The following DPY19L3 variants were observed in gnomAD, a reference collection of about 807,000 sequenced individuals.
The protein encoded by DPY19L3 is dpy-19 like C-mannosyltransferase 3, also known as protein C-mannosyl-transferase DPY19L3.
DPY19L3 carries 51 observed loss-of-function variants against 92.3 expected under a neutral mutation model. That is an observed-to-expected ratio of 0.55 (90% CI 0.44 to 0.70). The LOEUF (loss-of-function observed/expected upper bound fraction) is 0.70. DPY19L3 is among the 30% of genes least tolerant of loss of function. The pLI, the probability that DPY19L3 is intolerant of heterozygous loss-of-function variation, is 0.00. For synonymous variants in DPY19L3, 309 were observed against 315.2 expected (o/e 0.98, Z 0.21); for missense variants, 706 against 855.9 (o/e 0.82, Z 2.18).
intron 8 of DPY19L3, among the ~76,000 whole-genome samples, chr19:32,447,816 T>TAGAG (rs1555721982): frequency 1.1e-5 from 1 of 89,832 alleles, no homozygotes. Flanking sequence ...GATAGATAGA[T>TAGAG]TAGATAGATA....
intron 8 of DPY19L3, among the ~76,000 whole-genome samples, chr19:32,446,635 A>G (rs1207508692): frequency 3.3e-5 from 5 of 152,234 alleles, no homozygotes; most frequent in African/African-American, 1.2e-4. Context: ...ACATTATATA[A>G]TGATAAAACG....
chr19:32,450,743 G>A (rs546528531), intron 8 of DPY19L3, among the ~76,000 whole-genome samples: 2 of 152,260 alleles, frequency 1.3e-5, no homozygotes, highest in South Asian at 4.1e-4. Context: ...AGTGGATATG[G>A]GTTTCTTTCG....
rs61070378 is a variant in DPY19L3, at chr19:32,438,943, GGATGATGATGAT to G, written c.597-150_597-139del. 23 of 687,404 alleles carry G rather than the reference GGATGATGATGAT, an allele frequency of 3.3e-5. No homozygotes were observed. The African/African-American group carries it at 3.7e-4, about 11-fold the overall frequency. 42.6% of individuals were successfully genotyped at this position (687,404 alleles called of 1,614,324 possible). A position where few individuals can be genotyped will look rare whatever the true frequency, so the allele number is the denominator to read the frequency against. On this transcript the variant is annotated intron_variant, in intron 6 of 18. Transcript: ENST00000392250. The stretch of plus-strand genomic sequence containing the variant: ...TCTCTATGCCAATTTTATGTTACAG[GGATGATGATGAT>G]GATGATGATGATGATGATAAGGACA...
intron 12 of DPY19L3, among the ~76,000 whole-genome samples, chr19:32,459,215 T>C (rs913754472): frequency 7.9e-5 from 12 of 152,300 alleles, no homozygotes; most frequent in African/African-American, 2.6e-4. Context: ...TTTTAAAAAC[T>C]TGTAAGAATA....
intron 3 of DPY19L3, among the ~76,000 whole-genome samples, chr19:32,422,930 C>T (rs1968623676): frequency 6.6e-6 from 1 of 152,128 alleles, no homozygotes; most frequent in Non-Finnish European, 1.5e-5. Context: ...ATGAATGATG[C>T]CTAGAAAATG....
intron 4 of DPY19L3, among the ~76,000 whole-genome samples, chr19:32,434,261 ACT>A (rs1180275603): frequency 1.3e-5 from 2 of 152,024 alleles, no homozygotes; most frequent in African/African-American, 2.4e-5. Context: ...ATGAGGCGAC[ACT>A]CTGCCTCCTT....
At chr19:32,481,807 TC>T in intron 18 of DPY19L3, 1 of 389,970 alleles carries the variant, frequency 2.6e-6, no homozygotes, top group Non-Finnish European at 4.6e-6. Flanking sequence ...TATAGTATGT[TC>T]CTGAGAGCAA....
chr19:32,447,766 TAGA>T (rs759401386), intron 8 of DPY19L3, among the ~76,000 whole-genome samples: 3,003 of 145,022 alleles, frequency 0.021, 48 homozygotes, highest in African/African-American at 0.037. Flanking sequence ...GATAGATAGA[TAGA>T]TAGATAGATT....
intron 3 of DPY19L3, among the ~76,000 whole-genome samples, chr19:32,413,678 G>T (rs1447660873): frequency 1.3e-5 from 2 of 150,218 alleles, no homozygotes; most frequent in African/African-American, 4.9e-5. Flanking sequence ...GTGACAGTAG[G>T]TAGTTCTTCT....
At chr19:32,437,387 A>C (rs765824729) in intron 6 of DPY19L3, 48 bp downstream of exon 6, 5 of 1,569,108 alleles carry the variant, frequency 3.2e-6, no homozygotes, top group Non-Finnish European at 4.3e-6. Flanking sequence ...TGTAAGTAAA[A>C]ATGAAGTCAC....
At chr19:32,425,725 C>T (rs890306928) in intron 3 of DPY19L3, among the ~76,000 whole-genome samples, 3 of 151,856 alleles carry the variant, frequency 2.0e-5, no homozygotes, top group African/African-American at 7.3e-5. Context: ...TAGATCTCAA[C>T]AGTGGGCCTA....
chr19:32,447,871 T>A (rs1969568501), intron 8 of DPY19L3, among the ~76,000 whole-genome samples: 1 of 150,892 alleles, frequency 6.6e-6, no homozygotes, highest in African/African-American at 2.4e-5. Flanking sequence ...GCTGGCTCTT[T>A]GAAAGATTAG....
chr19:32,464,499 A>AT (rs1471825645), intron 14 of DPY19L3, among the ~76,000 whole-genome samples: 8 of 152,012 alleles, frequency 5.3e-5, no homozygotes, highest in Non-Finnish European at 1.0e-4. Context: ...TATTTCTGGT[A>AT]ATTTTTTAAG....
intron 3 of DPY19L3, among the ~76,000 whole-genome samples, chr19:32,414,362 A>G (rs920442764): frequency 6.6e-6 from 1 of 151,636 alleles, no homozygotes; most frequent in African/African-American, 2.4e-5. Flanking sequence ...CGGAGCTTGC[A>G]GTGAGCCGTG....
chr19:32,439,281 A>G (rs1251518107), intron 7 of DPY19L3, 46 bp downstream of exon 7: 4 of 1,575,278 alleles, frequency 2.5e-6, no homozygotes, highest in Non-Finnish European at 3.5e-6. Flanking sequence ...CCAATTTTAT[A>G]TATGAAGCTT....
rs111581328 is a variant in DPY19L3, at chr19:32,485,885, A to C, written c.*3645A>C. ...TGTATACCAAGTAAAGCTCTTTTAAATTACATAAGATGAGTGTCTTGCATT... is the reference window on the plus strand; with the variant it reads ...TGTATACCAAGTAAAGCTCTTTTAACTTACATAAGATGAGTGTCTTGCATT... On this transcript the variant is annotated 3_prime_UTR_variant, in exon 19 of 19. Coordinates refer to ENST00000392250, the MANE Select transcript of DPY19L3 (RefSeq NM_001172774.2). 1 of 152,218 alleles carries C rather than the reference A, an allele frequency of 6.6e-6. No homozygotes were observed. The highest frequency in any genetic ancestry group is 2.4e-5 in the African/African-American group (1 of 41,438). The allele number at this position is 152,218 out of a possible 1,614,324, so 9.4% of individuals were successfully genotyped here.
intron 6 of DPY19L3, among the ~76,000 whole-genome samples, 166 bp downstream of exon 6, chr19:32,437,505 G>A (rs1162016376): frequency 6.6e-6 from 1 of 152,176 alleles, no homozygotes; most frequent in Non-Finnish European, 1.5e-5. Context: ...TAGTTAGGGA[G>A]AAAGTGCTAC....
At chr19:32,431,732 C>T (rs1968975948) in intron 3 of DPY19L3, among the ~76,000 whole-genome samples, 1 of 152,174 alleles carries the variant, frequency 6.6e-6, no homozygotes, top group African/African-American at 2.4e-5. Context: ...TTTGTAGACA[C>T]TGAACCATCA....
intron 3 of DPY19L3, among the ~76,000 whole-genome samples, chr19:32,430,467 G>A (rs1968922407): frequency 6.6e-6 from 1 of 151,968 alleles, no homozygotes; most frequent in Non-Finnish European, 1.5e-5. Flanking sequence ...TTCTGTGAAA[G>A]GAAGTTCAAT....
Sources: allele counts gnomAD v4.1 joint callset (sites outside exome capture counted in the v4.1 genomes callset), GRCh38; gene constraint gnomAD v4.1.1; transcripts MANE v1.5; gene names NCBI Gene and HGNC (gene_info 2026-07-23, HGNC 2026-07-21).